Variants in DGKB observed in about 807,000 individuals in gnomAD.
DGKB encodes 90 kDa diacylglycerol kinase.
In DGKB, 67 loss-of-function variants were observed where a neutral mutation model predicts 114.3. The ratio of observed to expected loss-of-function variants is 0.59; its 90% CI spans 0.48 to 0.72. The LOEUF is 0.72. Ranked by LOEUF, DGKB falls within the 30% of genes least tolerant of loss-of-function variation. The pLI is 0.00. For missense variants in DGKB, 907 were observed against 975.2 expected (o/e 0.93, Z 0.93); for synonymous variants, 398 against 323.1 (o/e 1.23, Z -2.49).
intron 17 of DGKB, among the ~76,000 whole-genome samples, chr7:14,596,462 A>C (rs2128753766): frequency 6.6e-6 from 1 of 152,302 alleles, no homozygotes; most frequent in Non-Finnish European, 1.5e-5. Context: ...TTATGTCAGA[A>C]AACCAGTGTA....
At chr7:14,831,157 G>T (rs1413227709) in intron 2 of DGKB, among the ~76,000 whole-genome samples, 3 of 151,908 alleles carry the variant, frequency 2.0e-5, no homozygotes, top group Admixed American at 1.3e-4. Flanking sequence ...AGGGCAAAGG[G>T]AGAAAAATAA....
Position 14,221,561 on chromosome 7 carries a change from A to C in DGKB, c.2123-43410T>G, listed in dbSNP as rs550359578. On this transcript the variant is annotated intron_variant, in intron 23 of 25. Coordinates refer to ENST00000402815, the MANE Select transcript of DGKB (RefSeq NM_001350709.2). ...GTATAATTCATTTTATATGTTGTGAATTCAGTTTGTTAGTATTTTGCTAAG... is the reference window on the plus strand; with the variant it reads ...GTATAATTCATTTTATATGTTGTGACTTCAGTTTGTTAGTATTTTGCTAAG... Among the ~76,000 whole-genome samples, 4 of 151,410 alleles carry C rather than the reference A, an allele frequency of 2.6e-5. No homozygotes were observed. In the South Asian group the frequency reaches 8.3e-4, roughly 31 times the overall value.
chr7:14,585,679 C>G (rs1800642523), intron 17 of DGKB, among the ~76,000 whole-genome samples: 1 of 152,160 alleles, frequency 6.6e-6, no homozygotes, highest in Non-Finnish European at 1.5e-5. Context: ...TTTTTTACAA[C>G]TTGAATGTCT....
At chr7:14,888,242 G>A (rs982361860) in intron 1 of DGKB, among the ~76,000 whole-genome samples, 3 of 151,710 alleles carry the variant, frequency 2.0e-5, no homozygotes, top group East Asian at 1.9e-4. Flanking sequence ...AGGAAGTAGT[G>A]GGAGGCACAG....
chr7:14,729,557 G>A (rs1209284360), intron 5 of DGKB, among the ~76,000 whole-genome samples: 2 of 152,172 alleles, frequency 1.3e-5, no homozygotes, highest in African/African-American at 4.8e-5. Context: ...ATAGAAATGT[G>A]TATGTTGATT....
intron 21 of DGKB, among the ~76,000 whole-genome samples, chr7:14,410,145 C>G (rs532441702): frequency 6.6e-6 from 1 of 151,834 alleles, no homozygotes; most frequent in East Asian, 1.9e-4. Flanking sequence ...TGTATTCACA[C>G]TCAAATGTCT....
chr7:14,939,563 A>G (rs1174780002), intron 1 of DGKB, among the ~76,000 whole-genome samples: 6 of 151,942 alleles, frequency 3.9e-5, no homozygotes, highest in Non-Finnish European at 1.5e-5. Flanking sequence ...GAAGTTTAAA[A>G]CATACTTGAG....
chr7:14,154,590 TA>T (rs1271454490), intron 25 of DGKB, among the ~76,000 whole-genome samples: 1 of 151,832 alleles, frequency 6.6e-6, no homozygotes, highest in Admixed American at 6.6e-5. Flanking sequence ...TAACTATTAG[TA>T]ATAGAGTAAT....
chr7:14,900,636 C>T (rs1355396481), intron 1 of DGKB, among the ~76,000 whole-genome samples: 2 of 152,092 alleles, frequency 1.3e-5, no homozygotes, highest in African/African-American at 4.8e-5. Context: ...ACTATCCCAG[C>T]AAAACTTACC....
intron 23 of DGKB, among the ~76,000 whole-genome samples, chr7:14,333,433 C>T (rs1447497502): frequency 2.1e-5 from 3 of 145,514 alleles, no homozygotes; most frequent in Non-Finnish European, 3.0e-5. Flanking sequence ...TGCAATCCAG[C>T]CTGGGCAACA....
intron 23 of DGKB, among the ~76,000 whole-genome samples, chr7:14,203,312 G>A (rs1786209053): frequency 6.6e-6 from 1 of 151,848 alleles, no homozygotes; most frequent in Non-Finnish European, 1.5e-5. Context: ...AAATTGGGTT[G>A]AGGAACAAAC....
intron 23 of DGKB, among the ~76,000 whole-genome samples, chr7:14,218,284 C>A (rs1054970871): frequency 5.9e-5 from 9 of 152,026 alleles, no homozygotes; most frequent in Admixed American, 1.3e-4. Context: ...TGACCTCTAG[C>A]TTAACTTAGC....
intron 17 of DGKB, among the ~76,000 whole-genome samples, chr7:14,606,907 T>C (rs1018604727): frequency 6.6e-6 from 1 of 152,092 alleles, no homozygotes. Context: ...AACCCATTTA[T>C]GCTGGAGGTT....
intron 2 of DGKB, among the ~76,000 whole-genome samples, chr7:14,798,743 C>T (rs1841752949): frequency 6.6e-6 from 1 of 152,184 alleles, no homozygotes; most frequent in Non-Finnish European, 1.5e-5. Flanking sequence ...AGCTCAGGTT[C>T]ATCTCACAGC....
chr7:14,275,703 T>A (rs560150927), intron 23 of DGKB, among the ~76,000 whole-genome samples: 23 of 152,324 alleles, frequency 1.5e-4, no homozygotes, highest in Non-Finnish European at 1.5e-4. Flanking sequence ...CTAGCAATTC[T>A]TAATAGTGGT....
Position 14,694,182 on chromosome 7 carries a change from T to C in DGKB, c.604A>G (p.Met202Val), listed in dbSNP as rs1445480730. 4 of 1,572,100 alleles carry C rather than the reference T, an allele frequency of 2.5e-6. No homozygotes were observed. The highest frequency in any genetic ancestry group is 3.5e-6 in the Non-Finnish European group (4 of 1,157,042). The change falls in exon 9 of 26, where the codon ATG becomes GTG. Residue 202 changes from methionine (M) to valine (V), a missense_variant. Transcript: ENST00000402815. The stretch of plus-strand genomic sequence containing the variant: ...TGATCATAGTCAATTTCTTCCATCA[T>C]TTCATGGAGGATCTGGAGTAGAGGA... Reference protein sequence around the residue: ...VTELNPILHEMMEEIDYDHDG... With the variant: ...VTELNPILHEVMEEIDYDHDG...
At chr7:14,585,284 T>C (rs371782928) in intron 17 of DGKB, among the ~76,000 whole-genome samples, 40 of 152,280 alleles carry the variant, frequency 2.6e-4, no homozygotes, top group African/African-American at 9.1e-4. Flanking sequence ...TATGTACCAG[T>C]TGCCCATTCC....
intron 1 of DGKB, among the ~76,000 whole-genome samples, chr7:14,861,681 T>G (rs1851000399): frequency 6.6e-6 from 1 of 151,998 alleles, no homozygotes; most frequent in East Asian, 1.9e-4. Flanking sequence ...TATTATGGCC[T>G]GGCCTGTTTT....
chr7:14,505,331 C>T (rs1002312287), intron 20 of DGKB, among the ~76,000 whole-genome samples: 1 of 151,750 alleles, frequency 6.6e-6, no homozygotes, highest in Non-Finnish European at 1.5e-5. Flanking sequence ...GGCACACATG[C>T]TAATCCCAGC....
Sources: allele counts gnomAD v4.1 joint callset (sites outside exome capture counted in the v4.1 genomes callset), GRCh38; gene constraint gnomAD v4.1.1; transcripts MANE v1.5; gene names NCBI Gene and HGNC (gene_info 2026-07-23, HGNC 2026-07-21).